PWP1: variants seen among roughly 807,000 people sequenced by gnomAD.
PWP1 encodes the protein PWP1 homolog, endonuclein, also known as periodic tryptophan protein 1 homolog.
In PWP1, 47 loss-of-function variants were observed where a neutral mutation model predicts 69.9. The ratio of observed to expected loss-of-function variants is 0.67; its 90% CI spans 0.53 to 0.86. PWP1 has a LOEUF of 0.86. Among genes scored for constraint, PWP1 ranks in the 40% least tolerant of loss-of-function variants. The pLI, the probability that PWP1 is intolerant of heterozygous loss-of-function variation, is 0.00. For synonymous variants in PWP1, 222 were observed against 208.2 expected (o/e 1.07, Z -0.57); for missense variants, 551 against 608.8 (o/e 0.91, Z 1.00).
At chr12:107,688,978 A>G (rs1180637271) in intron 3 of PWP1, among the ~76,000 whole-genome samples, 176 bp downstream of exon 3, 2 of 152,180 alleles carry the variant, frequency 1.3e-5, no homozygotes, top group Non-Finnish European at 2.9e-5. Context: ...ATAAACTCTA[A>G]CCCACTAAGA....
Position 107,697,606 on chromosome 12 carries a change from G to T in PWP1, c.744+9G>T. 6.3e-7 allele frequency: 1 copy of T among 1,597,420 alleles called. No homozygotes were observed. On this transcript the variant is annotated intron_variant, in intron 7 of 14. Coordinates refer to ENST00000412830, the MANE Select transcript of PWP1 (RefSeq NM_007062.3). ...AAAAGAAAGGAAAGAAGGTAAAGAAGTTAATAAATATTTAAACTCTAATGA... is the reference window on the plus strand; with the variant it reads ...AAAAGAAAGGAAAGAAGGTAAAGAATTTAATAAATATTTAAACTCTAATGA...
Position 107,708,932 on chromosome 12 carries a change from A to G in PWP1, c.1084A>G (p.Thr362Ala). The G allele has an allele frequency of 6.2e-7, 1 of 1,613,160 alleles. No homozygotes were observed. Residue 362 changes from threonine (T) to alanine (A), a missense_variant, in exon 12 of 15, where the codon ACA becomes GCA. Thr to Ala is a moderately conservative substitution (Grantham distance 58, BLOSUM62 0). Coordinates refer to ENST00000412830, the MANE Select transcript of PWP1 (RefSeq NM_007062.3). Reference protein sequence around the residue: ...HFSPCHFLASTDDGFVYNLDA... With the variant: ...HFSPCHFLASADDGFVYNLDA... ...CATCTTTTACTCTTTCTAGGCCAGT[A>G]CAGATGACGGCTTTGTATATAATTT...
chr12:107,698,956 A>G (rs1405214857), intron 7 of PWP1, among the ~76,000 whole-genome samples: 1 of 152,162 alleles, frequency 6.6e-6, no homozygotes, highest in Non-Finnish European at 1.5e-5. Flanking sequence ...TTATTCTTCA[A>G]AAGTTTATAT....
At chr12:107,701,108 G>A (rs1000209346) in intron 8 of PWP1, among the ~76,000 whole-genome samples, 2 of 152,050 alleles carry the variant, frequency 1.3e-5, no homozygotes, top group Non-Finnish European at 2.9e-5. Context: ...TCTTCTTTGG[G>A]AGAAATGTTT....
At chr12:107,707,124 T>G (rs1217351232) in intron 11 of PWP1, among the ~76,000 whole-genome samples, 1 of 152,186 alleles carries the variant, frequency 6.6e-6, no homozygotes, top group Non-Finnish European at 1.5e-5. Flanking sequence ...ACATTCCTTG[T>G]AAGTTGGATT....
At chr12:107,705,109 A>C (rs1255022244) in intron 11 of PWP1, among the ~76,000 whole-genome samples, 4 of 152,094 alleles carry the variant, frequency 2.6e-5, no homozygotes, top group Admixed American at 6.6e-5. Flanking sequence ...CCTCATGCTT[A>C]AATGGATCTC....
intron 11 of PWP1, 33 bp from the exon 12 acceptor site, chr12:107,708,893 A>G (rs759216869): frequency 1.3e-6 from 2 of 1,583,352 alleles, no homozygotes; most frequent in Non-Finnish European, 1.7e-6. Flanking sequence ...TTTGTGACGT[A>G]GCATGACCTT....
At chr12:107,697,222 A>C (rs949363371) in intron 6 of PWP1, among the ~76,000 whole-genome samples, 3 of 152,194 alleles carry the variant, frequency 2.0e-5, no homozygotes, top group Non-Finnish European at 4.4e-5. Flanking sequence ...TTTCCTACTC[A>C]AATTGTGGCC....
intron 10 of PWP1, 86 bp downstream of exon 10, chr12:107,703,832 A>G (rs544723196): frequency 1.5e-6 from 2 of 1,306,730 alleles, no homozygotes; most frequent in Non-Finnish European, 2.2e-6. Context: ...CCCAGGCAGA[A>G]TGTATCCTTG....
intron 3 of PWP1, among the ~76,000 whole-genome samples, chr12:107,691,814 A>C (rs1889484889): frequency 6.6e-6 from 1 of 152,060 alleles, no homozygotes; most frequent in South Asian, 2.1e-4. Context: ...TCGCTTGGCC[A>C]TCTGTCCTAT....
chr12:107,709,042 T>TTTTTCTTAAC, intron 12 of PWP1, 26 bp downstream of exon 12: 1 of 1,613,574 alleles, frequency 6.2e-7, no homozygotes, highest in Non-Finnish European at 8.5e-7. Context: ...GCTTCTTTCA[T>TTTTTCTTAAC]TTTTCTTAAC....
chr12:107,701,540 T>G (rs913135395), intron 8 of PWP1, among the ~76,000 whole-genome samples: 1 of 152,212 alleles, frequency 6.6e-6, no homozygotes, highest in African/African-American at 2.4e-5. Flanking sequence ...TTTACATGTA[T>G]GTTTTCTTCT....
intron 9 of PWP1, 50 bp from the exon 10 acceptor site, chr12:107,703,635 A>T: frequency 6.8e-7 from 1 of 1,475,224 alleles, no homozygotes; most frequent in Non-Finnish European, 9.5e-7. Context: ...AGGTAATTTT[A>T]CGAAAAGCAA....
chr12:107,697,915 C>G (rs943787218), intron 7 of PWP1: 1 of 401,576 alleles, frequency 2.5e-6, no homozygotes. Flanking sequence ...GCTATTTATA[C>G]AGATATACCA....
intron 7 of PWP1, among the ~76,000 whole-genome samples, chr12:107,698,244 C>T (rs559856890): frequency 2.8e-4 from 43 of 152,290 alleles, no homozygotes; most frequent in Admixed American, 1.2e-3. Context: ...TTCCTGTAAT[C>T]CCAGCTACTT....
intron 14 of PWP1, among the ~76,000 whole-genome samples, chr12:107,710,863 T>C (rs1889937822): frequency 6.6e-6 from 1 of 152,232 alleles, no homozygotes; most frequent in Non-Finnish European, 1.5e-5. Context: ...TTGGTAATGT[T>C]TGTTCATGTT....
intron 10 of PWP1, 137 bp from the exon 11 acceptor site, chr12:107,704,499 C>T (rs1889773625): frequency 6.7e-6 from 4 of 595,868 alleles, no homozygotes; most frequent in South Asian, 2.7e-5. Flanking sequence ...CATTTTTTTT[C>T]TACTTTATTT....
chr12:107,694,525 A>G (rs1415875596), intron 5 of PWP1, among the ~76,000 whole-genome samples: 1 of 152,152 alleles, frequency 6.6e-6, no homozygotes, highest in Non-Finnish European at 1.5e-5. Flanking sequence ...ATTTTATCTC[A>G]TGGCTCATTG....
At chr12:107,691,916 G>A (rs1263337694) in intron 3 of PWP1, among the ~76,000 whole-genome samples, 4 of 152,226 alleles carry the variant, frequency 2.6e-5, no homozygotes, top group Admixed American at 2.6e-4. Context: ...GGTGAAAGAC[G>A]GTGCTGAGTT....
Sources: gnomAD v4.1 joint callset for allele counts (sites outside exome capture counted in the v4.1 genomes callset) on GRCh38, gnomAD v4.1.1 for gene constraint, MANE v1.5 for transcripts, NCBI Gene and HGNC (gene_info 2026-07-23, HGNC 2026-07-21) for gene names.